CDK5RAP2: variants seen among roughly 807,000 people sequenced by gnomAD.
CDK5RAP2 encodes CDK5 regulatory subunit associated protein 2, also known as CDK5 regulatory subunit-associated protein 2.
In CDK5RAP2, 147 loss-of-function variants were observed where a neutral mutation model predicts 232.9. The observed-to-expected ratio is 0.63, with a 90% CI of 0.55 to 0.72. The LOEUF is 0.72. CDK5RAP2 is among the 30% of genes least tolerant of loss of function. The probability of loss-of-function intolerance (pLI) is 0.00; values close to 1 mark genes in which losing one functional copy is unlikely to be tolerated. For synonymous variants in CDK5RAP2, 833 were observed against 833.7 expected (o/e 1.00, Z 0.01); for missense variants, 2,195 against 2,231.5 (o/e 0.98, Z 0.33).
chr9:120,500,131 C>T (rs529630410), intron 12 of CDK5RAP2, among the ~76,000 whole-genome samples: 27 of 152,256 alleles, frequency 1.8e-4, no homozygotes, highest in African/African-American at 6.0e-4. Flanking sequence ...GGACAGGTGG[C>T]GAGGCAGTGC....
intron 1 of CDK5RAP2, among the ~76,000 whole-genome samples, chr9:120,576,574 T>C (rs1309314406): frequency 5.3e-5 from 8 of 152,118 alleles, no homozygotes. Context: ...TGGTGGCACG[T>C]GCCTGTAGTC....
chr9:120,414,460 C>G (rs754789963), intron 28 of CDK5RAP2, among the ~76,000 whole-genome samples: 2 of 151,976 alleles, frequency 1.3e-5, no homozygotes, highest in Admixed American at 1.3e-4. Flanking sequence ...ATATAGAGTA[C>G]GTTACCTCTG....
intron 16 of CDK5RAP2, 100 bp downstream of exon 16, chr9:120,471,648 A>G (rs2037710399): frequency 6.5e-7 from 1 of 1,540,510 alleles, no homozygotes; most frequent in African/African-American, 1.4e-5. Flanking sequence ...AACCCCGTGT[A>G]TGCTTCATCC....
intron 3 of CDK5RAP2, among the ~76,000 whole-genome samples, chr9:120,555,088 C>T (rs959248269): frequency 7.7e-5 from 9 of 117,100 alleles, no homozygotes; most frequent in African/African-American, 2.7e-4. Context: ...CCTGTCCCTA[C>T]AAAAAATGAG....
At chr9:120,465,375 A>G (rs574876920) in intron 18 of CDK5RAP2, among the ~76,000 whole-genome samples, 48 of 152,324 alleles carry the variant, frequency 3.2e-4, no homozygotes, top group Non-Finnish European at 4.6e-4. Flanking sequence ...GTGCAACCTC[A>G]TTAGAGATTT....
At chr9:120,469,428 C>T (rs2037565653) in intron 17 of CDK5RAP2, among the ~76,000 whole-genome samples, 1 of 152,210 alleles carries the variant, frequency 6.6e-6, no homozygotes, top group East Asian at 1.9e-4. Flanking sequence ...ATGCCTGTCT[C>T]TTCTATCAGA....
chr9:120,432,176 T>G (rs78849041), intron 25 of CDK5RAP2, among the ~76,000 whole-genome samples: 10,542 of 152,304 alleles, frequency 0.069, 668 homozygotes, highest in African/African-American at 0.17. Flanking sequence ...AATGGGGAAT[T>G]ATTAAATAAA....
intron 23 of CDK5RAP2, among the ~76,000 whole-genome samples, chr9:120,442,361 C>A (rs914739081): frequency 6.6e-6 from 1 of 152,156 alleles, no homozygotes; most frequent in Admixed American, 6.5e-5. Flanking sequence ...AATGTGAAGG[C>A]CAAGATGCCT....
chr9:120,490,110 T>C (rs1324468045), intron 13 of CDK5RAP2, among the ~76,000 whole-genome samples: 1 of 152,172 alleles, frequency 6.6e-6, no homozygotes, highest in Non-Finnish European at 1.5e-5. Context: ...CCAGGCCATC[T>C]TTCCTCCTAA....
Position 120,439,769 on chromosome 9 carries a change from C to A in CDK5RAP2, c.3352G>T (p.Asp1118Tyr). ...TAGCCTTCCAGCTCAGTTTCCAAGT[C>A]ATGGATTTTCTGTTTTAAGTATTCT... ...ETEYLKQKIHDLETELEGYQN... is the reference protein window; with the variant it reads ...ETEYLKQKIHYLETELEGYQN... Residue 1118 changes from aspartate to tyrosine, a missense_variant, in exon 24 of 38, where the codon GAC (aspartate) becomes TAC (tyrosine). By Grantham distance (160) the Asp-to-Tyr change is radical (BLOSUM62 -3). Transcript: ENST00000349780. 1 of 1,614,090 alleles carries A rather than the reference C, an allele frequency of 6.2e-7. No homozygotes were observed. The highest frequency in any genetic ancestry group is 1.1e-5 in the South Asian group (1 of 91,064).
chr9:120,441,741 T>G (rs930322614), intron 23 of CDK5RAP2, among the ~76,000 whole-genome samples: 1 of 152,236 alleles, frequency 6.6e-6, no homozygotes, highest in Non-Finnish European at 1.5e-5. Flanking sequence ...GTATGGCATT[T>G]CATTTCAGAA....
At chr9:120,404,636 G>A (rs2131284058) in intron 32 of CDK5RAP2, among the ~76,000 whole-genome samples, 1 of 152,280 alleles carries the variant, frequency 6.6e-6, no homozygotes, top group African/African-American at 2.4e-5. Flanking sequence ...GGACAAAGTA[G>A]AATGCAAGGC....
At chr9:120,481,895 CCAGA>C (rs1426402572) in intron 14 of CDK5RAP2, among the ~76,000 whole-genome samples, 1 of 152,172 alleles carries the variant, frequency 6.6e-6, no homozygotes, top group Non-Finnish European at 1.5e-5. Flanking sequence ...ATGAGTTAAT[CCAGA>C]CAAAGTTCTC....
intron 24 of CDK5RAP2, among the ~76,000 whole-genome samples, chr9:120,437,954 A>C (rs1217448684): frequency 6.6e-6 from 1 of 152,236 alleles, no homozygotes; most frequent in Non-Finnish European, 1.5e-5. Context: ...ACAAAACGTC[A>C]CTGAATAATC....
At chr9:120,555,104 G>A (rs990674413) in intron 3 of CDK5RAP2, among the ~76,000 whole-genome samples, 1 of 127,568 alleles carries the variant, frequency 7.8e-6, no homozygotes, top group South Asian at 2.8e-4. Flanking sequence ...ATGAGATACC[G>A]TACACACCTA....
At chr9:120,571,893 A>G in intron 2 of CDK5RAP2, 81 bp downstream of exon 2, 1 of 1,139,922 alleles carries the variant, frequency 8.8e-7, no homozygotes, top group Non-Finnish European at 1.3e-6. Flanking sequence ...CCCCAGAGAT[A>G]TGAAAGCTCA....
intron 30 of CDK5RAP2, among the ~76,000 whole-genome samples, chr9:120,408,873 G>A (rs560207172): frequency 6.6e-6 from 1 of 152,266 alleles, no homozygotes. Context: ...TCAGCTCTCT[G>A]AGCAAATGGC....
intron 12 of CDK5RAP2, among the ~76,000 whole-genome samples, chr9:120,514,381 C>T (rs146716419): frequency 2.0e-5 from 3 of 152,184 alleles, no homozygotes; most frequent in Non-Finnish European, 2.9e-5. Context: ...CGCACACACA[C>T]ACACACCCTT....
intron 14 of CDK5RAP2, among the ~76,000 whole-genome samples, chr9:120,481,773 A>C (rs1319628728): frequency 1.3e-5 from 2 of 152,166 alleles, no homozygotes; most frequent in African/African-American, 4.8e-5. Context: ...TGGGCCTCCC[A>C]AAGTGCTGGG....
Sources: allele counts gnomAD v4.1 joint callset (sites outside exome capture counted in the v4.1 genomes callset), GRCh38; gene constraint gnomAD v4.1.1; transcripts MANE v1.5; gene names NCBI Gene and HGNC (gene_info 2026-07-23, HGNC 2026-07-21).